Variants in BCAS1 observed in about 807,000 individuals in gnomAD.
BCAS1 encodes the protein breast carcinoma-amplified sequence 1.
A neutral mutation model predicts 65.4 loss-of-function variants in BCAS1; 46 were observed. The observed-to-expected ratio is 0.70, with a 90% CI of 0.55 to 0.90. The LOEUF (loss-of-function observed/expected upper bound fraction) is 0.90, where lower values mean the gene tolerates loss of function less well. Among genes scored for constraint, BCAS1 ranks in the 40% least tolerant of loss-of-function variants. The pLI is 0.00. For synonymous variants in BCAS1, 298 were observed against 293.5 expected, an observed-to-expected ratio of 1.02 and a Z score of -0.16; for missense variants, 793 against 771.2, an observed-to-expected ratio of 1.03 and a Z score of -0.33.
intron 3 of BCAS1, among the ~76,000 whole-genome samples, chr20:54,037,542 A>G (rs55655714): frequency 0.038 from 5,697 of 151,628 alleles, 411 homozygotes; most frequent in African/African-American, 0.13. Flanking sequence ...GTGTAACAAG[A>G]GGCATTTTAT....
rs149777564 is a variant in BCAS1, at chr20:54,015,591, C to T, written c.723+12801G>A. 2.6e-3 allele frequency among the ~76,000 whole-genome samples: 392 copies of T among 152,256 alleles called. 2 individuals are homozygous for T. The highest frequency in any genetic ancestry group is 9.3e-3 in the African/African-American group (385 of 41,548). ...ATTATGAAAGGGCTTCAAATCTGCC[C>T]ACTTAGGACAACATTTCTCTTTGTG... On this transcript the variant is annotated intron_variant, in intron 4 of 12. Coordinates refer to ENST00000688948, the MANE Select transcript of BCAS1 (RefSeq NM_001366298.2).
Position 54,028,751 on chromosome 20 carries a change from C to T in BCAS1, c.364G>A (p.Asp122Asn), listed in dbSNP as rs200609261. The T allele has an allele frequency of 6.2e-7, 1 of 1,614,212 alleles. No individual in the cohort carries two copies. Among genetic ancestry groups the T allele is most frequent in the East Asian group, 2.2e-5 (1 of 44,880 alleles). ...ADSSLGSVKL[D>N]VSSNKAPANK... ...GCTGGAGCTTTATTGGAGCTGACAT[C>T]AAGCTTCACTGATCCAAGGGATGAA... Residue 122 changes from aspartate (D) to asparagine (N), a missense_variant, in exon 4 of 13, where the codon GAT becomes AAT. Transcript: ENST00000688948.
intron 4 of BCAS1, among the ~76,000 whole-genome samples, chr20:54,013,606 CT>C (rs1438743827): frequency 6.6e-6 from 1 of 152,162 alleles, no homozygotes; most frequent in Admixed American, 6.5e-5. Flanking sequence ...GAGGATAAAC[CT>C]AAACTCACAC....
chr20:53,981,313 C>G (rs2090472510), intron 8 of BCAS1, among the ~76,000 whole-genome samples: 2 of 152,156 alleles, frequency 1.3e-5, no homozygotes, highest in South Asian at 4.1e-4. Flanking sequence ...ACTTTCTTAA[C>G]CAGAATCCCC....
intron 4 of BCAS1, among the ~76,000 whole-genome samples, chr20:54,006,709 C>CA (rs762645740): frequency 0.01 from 944 of 93,586 alleles, 11 homozygotes; most frequent in African/African-American, 0.016. Flanking sequence ...GACTCCATCT[C>CA]AAAAAAAAAA....
At chr20:54,026,254 C>T (rs55901013) in intron 4 of BCAS1, among the ~76,000 whole-genome samples, 5,686 of 152,266 alleles carry the variant, frequency 0.037, 142 homozygotes, top group Middle Eastern at 0.095. Flanking sequence ...ATGTTCCTAA[C>T]ACAAGCTCCC....
In BCAS1 at chr20:54,028,750, T is replaced by C. The variant is rs1442193523; in HGVS notation, c.365A>G (p.Asp122Gly). The change falls in exon 4 of 13, where the codon GAT (aspartate) becomes GGT (glycine). Residue 122 changes from aspartate (D) to glycine (G), a missense_variant. Coordinates refer to ENST00000688948, the MANE Select transcript of BCAS1 (RefSeq NM_001366298.2). ...CGCTGGAGCTTTATTGGAGCTGACA[T>C]CAAGCTTCACTGATCCAAGGGATGA... Reference protein sequence around the residue: ...ADSSLGSVKLDVSSNKAPANK... With the variant: ...ADSSLGSVKLGVSSNKAPANK... The C allele has an allele frequency of 1.2e-6, 2 of 1,614,206 alleles. No individual in the cohort carries two copies. The highest frequency in any genetic ancestry group is 1.7e-6 in the Non-Finnish European group (2 of 1,180,018).
At chr20:54,068,828 T>G (rs1475493884) in intron 1 of BCAS1, among the ~76,000 whole-genome samples, 2 of 152,050 alleles carry the variant, frequency 1.3e-5, no homozygotes, top group Admixed American at 1.3e-4. Context: ...AAGTCACATC[T>G]AATACTCCAG....
intron 3 of BCAS1, among the ~76,000 whole-genome samples, chr20:54,053,806 T>C (rs147148178): frequency 7.2e-5 from 11 of 152,362 alleles, no homozygotes; most frequent in African/African-American, 2.4e-4. Flanking sequence ...CATGATTCAA[T>C]GTAGCATTCC....
At chr20:54,024,615 A>T (rs144202982) in intron 4 of BCAS1, among the ~76,000 whole-genome samples, 131 of 152,324 alleles carry the variant, frequency 8.6e-4, no homozygotes, top group African/African-American at 2.7e-3. Context: ...GCGTAGTTAG[A>T]GATAGCCAAG....
intron 4 of BCAS1, among the ~76,000 whole-genome samples, chr20:54,027,647 C>A (rs969114643): frequency 3.3e-5 from 5 of 152,130 alleles, no homozygotes; most frequent in African/African-American, 9.7e-5. Context: ...TTAAGGAGTT[C>A]TTTTCCTGCC....
rs757317109 is a variant in BCAS1, at chr20:53,963,501, G to A, written c.1485+3405C>T. ...CTCAAAAAGAAAAAAAAAAGAAAAAGGAGGGAAATGCAAAGGATAGAAAGC... is the reference window on the plus strand; with the variant it reads ...CTCAAAAAGAAAAAAAAAAGAAAAAAGAGGGAAATGCAAAGGATAGAAAGC... On this transcript the variant is annotated intron_variant, in intron 10 of 12. Coordinates refer to ENST00000688948, the MANE Select transcript of BCAS1 (RefSeq NM_001366298.2). Among the ~76,000 whole-genome samples the A allele has an allele frequency of 5.9e-5, 9 of 152,028 alleles. No homozygotes were observed. The South Asian group carries it at 6.2e-4, about 11-fold the overall frequency.
chr20:53,979,008 G>C (rs183082769), intron 8 of BCAS1, among the ~76,000 whole-genome samples: 1 of 151,866 alleles, frequency 6.6e-6, no homozygotes, highest in Non-Finnish European at 1.5e-5. Flanking sequence ...GAAAATCATG[G>C]CTGAAGCACA....
At chr20:53,967,115 C>T (rs765788854) in intron 9 of BCAS1, 42 bp from the exon 10 acceptor site, 2 of 1,597,252 alleles carry the variant, frequency 1.3e-6, no homozygotes, top group African/African-American at 1.3e-5. Flanking sequence ...AAAAACAAAA[C>T]ATTCCCCCAA....
intron 3 of BCAS1, among the ~76,000 whole-genome samples, chr20:54,044,384 G>T (rs1351663666): frequency 6.6e-6 from 1 of 152,148 alleles, no homozygotes; most frequent in Non-Finnish European, 1.5e-5. Context: ...CAAAGAGAAA[G>T]TTGCATATTA....
intron 4 of BCAS1, among the ~76,000 whole-genome samples, chr20:54,013,617 C>T (rs894597799): frequency 2.0e-5 from 3 of 152,182 alleles, no homozygotes; most frequent in Non-Finnish European, 2.9e-5. Context: ...TAAACTCACA[C>T]GTGTGAAATA....
At chr20:53,974,308 G>T (rs2090267655) in intron 9 of BCAS1, among the ~76,000 whole-genome samples, 1 of 152,052 alleles carries the variant, frequency 6.6e-6, no homozygotes, top group African/African-American at 2.4e-5. Context: ...TCACTCTTTG[G>T]GTCTGTGCCA....
chr20:53,988,703 T>A (rs531814116), intron 7 of BCAS1, among the ~76,000 whole-genome samples: 3 of 152,206 alleles, frequency 2.0e-5, no homozygotes, highest in Non-Finnish European at 2.9e-5. Flanking sequence ...AATAAATTAC[T>A]GTTAGCTGTA....
At chr20:53,992,964 T>G (rs956579121) in intron 6 of BCAS1, among the ~76,000 whole-genome samples, 11 of 152,210 alleles carry the variant, frequency 7.2e-5, no homozygotes, top group African/African-American at 1.9e-4. Context: ...ATGCAGTCTC[T>G]ACTTGATAGT....
Sources: allele counts gnomAD v4.1 joint callset (sites outside exome capture counted in the v4.1 genomes callset), GRCh38; gene constraint gnomAD v4.1.1; transcripts MANE v1.5; gene names NCBI Gene and HGNC (gene_info 2026-07-23, HGNC 2026-07-21).